Variants in HTR7 observed in about 807,000 individuals in gnomAD.
The protein encoded by HTR7 is 5-HT-7.
A neutral mutation model predicts 34.0 loss-of-function variants in HTR7; 16 were observed. The observed-to-expected ratio is 0.47, with a 90% CI of 0.32 to 0.71. The LOEUF (loss-of-function observed/expected upper bound fraction) is 0.71. Ranked by LOEUF, HTR7 falls within the 30% of genes least tolerant of loss-of-function variation. The probability of loss-of-function intolerance (pLI) is 0.04; values close to 1 mark genes in which losing one functional copy is unlikely to be tolerated. For missense variants in HTR7, 504 were observed against 625.5 expected, an observed-to-expected ratio of 0.81 and a Z score of 2.07; for synonymous variants, 265 against 260.2, an observed-to-expected ratio of 1.02 and a Z score of -0.18.
intron 1 of HTR7, among the ~76,000 whole-genome samples, chr10:90,773,574 T>G (rs1845153959): frequency 6.6e-6 from 1 of 152,152 alleles, no homozygotes; most frequent in African/African-American, 2.4e-5. Context: ...TCTTTTTTTT[T>G]GTACCCATTA....
chr10:90,794,932 C>T (rs183729987), intron 1 of HTR7, among the ~76,000 whole-genome samples: 2 of 152,346 alleles, frequency 1.3e-5, no homozygotes, highest in East Asian at 3.9e-4. Context: ...TCAGAAATCA[C>T]TAGGAACTTT....
At chr10:90,809,721 C>T (rs907125875) in intron 1 of HTR7, among the ~76,000 whole-genome samples, 3 of 152,222 alleles carry the variant, frequency 2.0e-5, no homozygotes, top group Admixed American at 6.5e-5. Flanking sequence ...ATCTGGCCAC[C>T]AGGCCAAGGA....
At chr10:90,763,906 T>C (rs150692599) in intron 1 of HTR7, among the ~76,000 whole-genome samples, 1,597 of 152,302 alleles carry the variant, frequency 0.01, 12 homozygotes, top group Middle Eastern at 0.017. Context: ...GTAAATAGTG[T>C]TGCAGTAAAC....
At chr10:90,825,009 G>A (rs980911549) in intron 1 of HTR7, among the ~76,000 whole-genome samples, 2 of 152,218 alleles carry the variant, frequency 1.3e-5, no homozygotes, top group African/African-American at 2.4e-5. Flanking sequence ...CCAGGTAGTG[G>A]TTACAGTGGG....
chr10:90,784,884 G>C (rs893909651), intron 1 of HTR7, among the ~76,000 whole-genome samples: 8 of 152,112 alleles, frequency 5.3e-5, no homozygotes, highest in Non-Finnish European at 1.2e-4. Context: ...TCCTATTCAC[G>C]TTGTCAACCA....
intron 1 of HTR7, among the ~76,000 whole-genome samples, chr10:90,815,649 T>C (rs897071994): frequency 1.3e-5 from 2 of 152,078 alleles, no homozygotes; most frequent in Non-Finnish European, 2.9e-5. Flanking sequence ...CGGGATGATA[T>C]GTGCAACTGG....
chr10:90,757,252 A>T (rs1004185106), intron 1 of HTR7, among the ~76,000 whole-genome samples: 2 of 152,210 alleles, frequency 1.3e-5, no homozygotes, highest in Non-Finnish European at 2.9e-5. Context: ...AAAATTCCAA[A>T]TAACACCTTC....
At chr10:90,839,283 A>C (rs1846293894) in intron 1 of HTR7, among the ~76,000 whole-genome samples, 3 of 152,206 alleles carry the variant, frequency 2.0e-5, no homozygotes, top group Admixed American at 2.0e-4. Flanking sequence ...CAATCCAAAC[A>C]TACAGAATAT....
chr10:90,830,789 G>GAAAA lies in HTR7; in HGVS notation c.539+26340_539+26343dup, dbSNP rs770904900. ...GGTGACAAAGTGAGACCCTGTCTCA[G>GAAAA]AAAAAAAAAAAAAAAAAGGCAAGCA... On this transcript the variant is annotated intron_variant, in intron 1 of 3. Transcript: ENST00000336152. 3.5e-3 allele frequency among the ~76,000 whole-genome samples: 297 copies of GAAAA among 83,772 alleles called. 2 individuals are homozygous for GAAAA. Among genetic ancestry groups the GAAAA allele is most frequent in the Non-Finnish European group, 5.4e-3 (224 of 41,270 alleles). 55.0% of individuals were successfully genotyped at this position (83,772 alleles called of 152,430 possible).
chr10:90,813,557 G>T (rs1340961680), intron 1 of HTR7, among the ~76,000 whole-genome samples: 1 of 151,950 alleles, frequency 6.6e-6, no homozygotes, highest in Admixed American at 6.6e-5. Flanking sequence ...GATAGTGAGG[G>T]TTCGGGAGTC....
intron 1 of HTR7, among the ~76,000 whole-genome samples, chr10:90,835,609 A>G (rs1040243956): frequency 1.3e-5 from 2 of 152,192 alleles, no homozygotes; most frequent in African/African-American, 4.8e-5. Flanking sequence ...TCCACCAAAC[A>G]TTTATTGAGC....
chr10:90,805,243 T>C (rs933029314), intron 1 of HTR7, among the ~76,000 whole-genome samples: 3 of 152,194 alleles, frequency 2.0e-5, no homozygotes, highest in Non-Finnish European at 4.4e-5. Context: ...GAGAAAAGCA[T>C]GGTTTGGGCC....
At chr10:90,771,993 T>A (rs758797914) in intron 1 of HTR7, among the ~76,000 whole-genome samples, 2 of 152,150 alleles carry the variant, frequency 1.3e-5, no homozygotes, top group Non-Finnish European at 1.5e-5. Flanking sequence ...ACTTTTTTTT[T>A]AGGAAAAAAA....
intron 1 of HTR7, among the ~76,000 whole-genome samples, chr10:90,796,455 A>G (rs754019708): frequency 3.3e-5 from 5 of 152,238 alleles, no homozygotes; most frequent in Admixed American, 6.5e-5. Flanking sequence ...CAGCACTTAC[A>G]AAACAAATTT....
At chr10:90,843,381 T>C (rs933935240) in intron 1 of HTR7, among the ~76,000 whole-genome samples, 6 of 152,108 alleles carry the variant, frequency 3.9e-5, no homozygotes, top group African/African-American at 1.4e-4. Context: ...TAATTACAAA[T>C]TGAGGTGAGA....
chr10:90,808,204 G>T (rs1172066156), intron 1 of HTR7, among the ~76,000 whole-genome samples: 4 of 152,088 alleles, frequency 2.6e-5, no homozygotes, highest in East Asian at 1.9e-4. Context: ...TTCTGGGGGG[G>T]GCAAGTACCC....
chr10:90,857,081 G>C lies in HTR7; in HGVS notation c.539+52C>G. The C allele has an allele frequency of 6.8e-7, 1 of 1,470,946 alleles. No individual in the cohort carries two copies. The highest frequency in any genetic ancestry group is 9.1e-7 in the Non-Finnish European group (1 of 1,100,172). The allele number at this position is 1,470,946 out of a possible 1,614,324, so 91.1% of individuals were successfully genotyped here. A position where few individuals can be genotyped will look rare whatever the true frequency, so the allele number is the denominator to read the frequency against. On this transcript the variant is annotated intron_variant, in intron 1 of 3. Transcript: ENST00000336152. This position sits in a 1 kb window ranked among gnomAD's most constrained non-coding sequence, Gnocchi z 6.5. The stretch of plus-strand genomic sequence containing the variant: ...AGGAAAGGCGAGCGCGCGGGGCTGA[G>C]CTGCCAGCCGGTCCCCAGCCGGAGC...
intron 1 of HTR7, among the ~76,000 whole-genome samples, chr10:90,831,554 T>C (rs147579700): frequency 3.9e-5 from 6 of 152,278 alleles, no homozygotes; most frequent in East Asian, 1.9e-4. Context: ...GCTTCCAAAC[T>C]GTGGAAAGGG....
chr10:90,759,955 A>G (rs1373450588), intron 1 of HTR7, among the ~76,000 whole-genome samples: 1 of 152,196 alleles, frequency 6.6e-6, no homozygotes, highest in Non-Finnish European at 1.5e-5. Flanking sequence ...GATGGCTTTC[A>G]TATTTTCCCA....
Sources: gnomAD v4.1 joint callset for allele counts (sites outside exome capture counted in the v4.1 genomes callset) on GRCh38, gnomAD v4.1.1 for gene constraint, Gnocchi (gnomAD v3.1) non-coding constraint, MANE v1.5 for transcripts, NCBI Gene and HGNC (gene_info 2026-07-23, HGNC 2026-07-21) for gene names.